The following PPIL4 variants were observed in gnomAD, a reference collection of about 807,000 sequenced individuals.
PPIL4 encodes the protein peptidylprolyl isomerase like 4.
In PPIL4, 50 loss-of-function variants were observed where a neutral mutation model predicts 69.1. The observed-to-expected ratio is 0.72, with a 90% CI of 0.58 to 0.92. The LOEUF (loss-of-function observed/expected upper bound fraction) is 0.92, where lower values mean the gene tolerates loss of function less well. Among genes scored for constraint, PPIL4 ranks in the 40% least tolerant of loss-of-function variants. The pLI is 0.00. For missense variants in PPIL4, 480 were observed against 587.9 expected (o/e 0.82, Z 1.90); for synonymous variants, 193 against 191.6 (o/e 1.01, Z -0.06).
intron 11 of PPIL4, among the ~76,000 whole-genome samples, chr6:149,516,535 G>A (rs926298212): frequency 2.6e-5 from 4 of 152,106 alleles, no homozygotes; most frequent in Admixed American, 1.3e-4. Flanking sequence ...CCATTTACCA[G>A]AAAGAATCAC....
At position 149,526,626 on chromosome 6, in the gene PPIL4, T is replaced by C. The variant is rs113944147; in HGVS notation, c.803+26A>G. 61 of 1,578,740 alleles carry C rather than the reference T, an allele frequency of 3.9e-5. No homozygotes were observed. The African/African-American group carries it at 4.9e-4, about 13-fold the overall frequency. On this transcript the variant is annotated intron_variant, in intron 8 of 12. Transcript: ENST00000253329. ...AACTGATACCTAGTTTTTCTAAATATCTCTTTCACTAATTCTAAGGATTAC... is the reference window on the plus strand; with the variant it reads ...AACTGATACCTAGTTTTTCTAAATACCTCTTTCACTAATTCTAAGGATTAC...
chr6:149,511,603 C>A (rs571739593), intron 12 of PPIL4, among the ~76,000 whole-genome samples: 1 of 152,196 alleles, frequency 6.6e-6, no homozygotes, highest in East Asian at 1.9e-4. Flanking sequence ...TAACTAAGAA[C>A]CAAAGCACAG....
At chr6:149,508,989 CAAAA>C (rs1776804061) in intron 12 of PPIL4, among the ~76,000 whole-genome samples, 1 of 151,606 alleles carries the variant, frequency 6.6e-6, no homozygotes, top group Non-Finnish European at 1.5e-5. Context: ...AAATAAAAAA[CAAAA>C]TAATAAAAAA....
At chr6:149,542,546 G>A (rs181198406) in intron 1 of PPIL4, among the ~76,000 whole-genome samples, 1 of 152,118 alleles carries the variant, frequency 6.6e-6, no homozygotes, top group Non-Finnish European at 1.5e-5. Context: ...GGCAATCCCT[G>A]CCCTCAAAAA....
chr6:149,535,689 G>T lies in PPIL4; in HGVS notation c.371C>A (p.Thr124Lys). The stretch of plus-strand genomic sequence containing the variant: ...GCCTTCTGTCACCTCACCAAACACC[G>T]TATGGACACCATCAAGATAATCTAG... ...ENLDYLDGVH[T>K]VFGEVTEGMD... The change falls in exon 5 of 13, where the codon ACG (threonine) becomes AAG (lysine). Residue 124 changes from threonine to lysine, a missense_variant. Transcript: ENST00000253329. 3.7e-6 allele frequency: 6 copies of T among 1,609,882 alleles called. No individual in the cohort carries two copies. The highest frequency in any genetic ancestry group is 4.2e-6 in the Non-Finnish European group (5 of 1,176,750).
At chr6:149,532,387 T>C (rs1346038775) in intron 7 of PPIL4, among the ~76,000 whole-genome samples, 1 of 152,226 alleles carries the variant, frequency 6.6e-6, no homozygotes, top group Non-Finnish European at 1.5e-5. Context: ...TTCATTCCCT[T>C]ATAAGTAACT....
chr6:149,539,083 G>A (rs1390427746), intron 4 of PPIL4, among the ~76,000 whole-genome samples: 1 of 152,144 alleles, frequency 6.6e-6, no homozygotes, highest in Non-Finnish European at 1.5e-5. Flanking sequence ...CTGACCTCAG[G>A]TGATCCGCCC....
chr6:149,529,721 C>T (rs928840444), intron 7 of PPIL4, among the ~76,000 whole-genome samples: 4 of 146,290 alleles, frequency 2.7e-5, no homozygotes, highest in African/African-American at 1.0e-4. Context: ...CGAGATAATG[C>T]CACTGTACTC....
intron 10 of PPIL4, among the ~76,000 whole-genome samples, chr6:149,519,305 T>C (rs1355623629): frequency 6.6e-6 from 1 of 152,192 alleles, no homozygotes; most frequent in East Asian, 1.9e-4. Context: ...TAATATTTAT[T>C]TCATACACTT....
chr6:149,531,494 C>T (rs1365169493), intron 7 of PPIL4, among the ~76,000 whole-genome samples: 1 of 150,124 alleles, frequency 6.7e-6, no homozygotes, highest in African/African-American at 2.5e-5. Flanking sequence ...CGAGATCATG[C>T]CATTGCACTT....
intron 11 of PPIL4, among the ~76,000 whole-genome samples, chr6:149,515,992 A>G (rs1310028169): frequency 6.6e-6 from 1 of 152,198 alleles, no homozygotes; most frequent in African/African-American, 2.4e-5. Context: ...ATTTATCTGC[A>G]CATCAGACTA....
intron 7 of PPIL4, among the ~76,000 whole-genome samples, chr6:149,529,443 TG>T (rs1777157768): frequency 6.7e-6 from 1 of 150,004 alleles, no homozygotes; most frequent in South Asian, 2.1e-4. Flanking sequence ...AGCGAGAACC[TG>T]TCTCAAATAA....
At chr6:149,516,097 A>G (rs533890773) in intron 11 of PPIL4, among the ~76,000 whole-genome samples, 1 of 152,356 alleles carries the variant, frequency 6.6e-6, no homozygotes, top group African/African-American at 2.4e-5. Flanking sequence ...TCAATTAATT[A>G]AAATTAAAGA....
intron 7 of PPIL4, among the ~76,000 whole-genome samples, chr6:149,530,752 C>T (rs147932104): frequency 6.6e-6 from 1 of 152,120 alleles, no homozygotes; most frequent in African/African-American, 2.4e-5. Flanking sequence ...TACCACTTTG[C>T]ATAATTACCA....
rs1199861020 is a variant in PPIL4 at position 149,545,820 on chromosome 6, C to A, written c.70+116G>T. ...AATAAAATAGCCCAGTCGCGGGCAC[C>A]AGCAGCCCAGAAGCTCGAGCTCTAG... On this transcript the variant is annotated intron_variant, in intron 1 of 12. Coordinates refer to ENST00000253329, the MANE Select transcript of PPIL4 (RefSeq NM_139126.4). 6.1e-5 allele frequency: 58 copies of A among 955,930 alleles called. No individual in the cohort carries two copies. The East Asian group carries it at 1.1e-3, about 19-fold the overall frequency. 59.2% of individuals were successfully genotyped at this position (955,930 alleles called of 1,614,324 possible).
At chr6:149,513,519 TA>T (rs1776894315) in intron 11 of PPIL4, among the ~76,000 whole-genome samples, 4 of 147,332 alleles carry the variant, frequency 2.7e-5, no homozygotes, top group South Asian at 4.2e-4. Context: ...AAGACATACT[TA>T]AATGCATTAT....
chr6:149,529,122 T>C (rs1047311165), intron 7 of PPIL4, among the ~76,000 whole-genome samples: 3 of 151,610 alleles, frequency 2.0e-5, no homozygotes, highest in Non-Finnish European at 2.9e-5. Context: ...TCCCAGCTAC[T>C]CAAGAGGCTG....
chr6:149,516,599 T>C (rs1434602159), intron 11 of PPIL4, among the ~76,000 whole-genome samples: 3 of 152,194 alleles, frequency 2.0e-5, no homozygotes, highest in Non-Finnish European at 4.4e-5. Flanking sequence ...TGGGAAAAAT[T>C]AGTGAACCAA....
intron 12 of PPIL4, among the ~76,000 whole-genome samples, chr6:149,507,372 A>T (rs895864767): frequency 2.0e-5 from 3 of 152,228 alleles, no homozygotes; most frequent in Non-Finnish European, 4.4e-5. Flanking sequence ...GTCATATTAT[A>T]AGAGTCCCTG....
Sources: gnomAD v4.1 joint callset for allele counts (sites outside exome capture counted in the v4.1 genomes callset) on GRCh38, gnomAD v4.1.1 for gene constraint, MANE v1.5 for transcripts, NCBI Gene and HGNC (gene_info 2026-07-23, HGNC 2026-07-21) for gene names.